PSMD5: variants seen among roughly 807,000 people sequenced by gnomAD.
PSMD5 encodes the protein 26S proteasome non-ATPase regulatory subunit 5.
PSMD5 carries 40 observed loss-of-function variants against 52.1 expected under a neutral mutation model. The observed-to-expected ratio is 0.77, with a 90% CI of 0.60 to 1.00. The LOEUF is 1.00. Ranked by LOEUF, PSMD5 falls within the 50% of genes least tolerant of loss-of-function variation. The pLI, the probability that PSMD5 is intolerant of heterozygous loss-of-function variation, is 0.00. For missense variants in PSMD5, 575 were observed against 605.2 expected (o/e 0.95, Z 0.52); for synonymous variants, 211 against 226.6 (o/e 0.93, Z 0.62).
chr9:120,842,554 T>G, intron 1 of PSMD5, 183 bp downstream of exon 1: 1 of 725,374 alleles, frequency 1.4e-6, no homozygotes, highest in South Asian at 1.9e-5. Flanking sequence ...TGGGGCACTC[T>G]CAGAGGCTGA....
At chr9:120,838,962 GTAA>G (rs2045216059) in intron 1 of PSMD5, among the ~76,000 whole-genome samples, 1 of 152,224 alleles carries the variant, frequency 6.6e-6, no homozygotes, top group African/African-American at 2.4e-5. Context: ...TATAACATAG[GTAA>G]TAGTGTCAAT....
intron 1 of PSMD5, among the ~76,000 whole-genome samples, chr9:120,839,064 G>A (rs956537812): frequency 4.6e-5 from 7 of 152,214 alleles, no homozygotes; most frequent in Non-Finnish European, 1.0e-4. Flanking sequence ...ATATTTTGGA[G>A]GAGATGGCTC....
At chr9:120,821,817 C>T (rs1341911714) in intron 7 of PSMD5, among the ~76,000 whole-genome samples, 2 of 152,232 alleles carry the variant, frequency 1.3e-5, no homozygotes, top group East Asian at 3.8e-4. Flanking sequence ...GCGCAGGCTT[C>T]CTCCATGCTG....
intron 1 of PSMD5, among the ~76,000 whole-genome samples, chr9:120,841,406 C>T (rs1315609939): frequency 2.0e-5 from 3 of 151,928 alleles, no homozygotes; most frequent in African/African-American, 7.3e-5. Context: ...GGTGAAACCC[C>T]GTCTCTACTA....
In PSMD5 at chr9:120,818,041, C is replaced by CA. The variant is rs1255066091; in HGVS notation, c.1379dup (p.Lys461GlufsTer27). ...TTGTCTTGGAATTGGCAAGTGCTTT[C>CA]ACTAGTTCATATTTGGCATCCTTTG... On this transcript the variant is annotated frameshift_variant, in exon 10 of 10. Transcript: ENST00000210313. LOFTEE classifies it high-confidence loss of function. The CA allele has an allele frequency of 1.9e-6, 3 of 1,614,214 alleles. No homozygotes were observed. The highest frequency in any genetic ancestry group is 2.5e-6 in the Non-Finnish European group (3 of 1,180,030).
intron 7 of PSMD5, chr9:120,824,142 ACC>A (rs2045105637): frequency 1.1e-5 from 2 of 186,768 alleles, no homozygotes; most frequent in Non-Finnish European, 1.1e-5. Flanking sequence ...AGAATAGAAA[ACC>A]CAAGGACATG....
At chr9:120,822,420 C>T (rs1236236272) in intron 7 of PSMD5, among the ~76,000 whole-genome samples, 2 of 152,152 alleles carry the variant, frequency 1.3e-5, no homozygotes, top group Non-Finnish European at 2.9e-5. Context: ...ATGAAAATGA[C>T]AATGTATGTT....
At position 120,831,793 on chromosome 9, in the gene PSMD5, GTC is replaced by G. The variant is rs747050815; in HGVS notation, c.432+37_432+38del. 1.4e-5 allele frequency: 22 copies of G among 1,583,652 alleles called. No homozygotes were observed. The African/African-American group carries it at 2.3e-4, about 17-fold the overall frequency. On this transcript the variant is annotated intron_variant, in intron 3 of 9. Transcript: ENST00000210313. Reference sequence around the variant, plus strand: ...TTTCTTTATCTTTTGGGACACCGATGTCTCTGCACATTTAAGTCAATGATTCT... The same window carrying G: ...TTTCTTTATCTTTTGGGACACCGATGTCTGCACATTTAAGTCAATGATTCT...
At chr9:120,830,152 T>A (rs1189027585) in intron 4 of PSMD5, among the ~76,000 whole-genome samples, 1 of 152,152 alleles carries the variant, frequency 6.6e-6, no homozygotes, top group African/African-American at 2.4e-5. Context: ...CGAATGGATA[T>A]GTGGCAAGGA....
chr9:120,825,415 T>C (rs2045115532), intron 6 of PSMD5, among the ~76,000 whole-genome samples: 1 of 152,184 alleles, frequency 6.6e-6, no homozygotes, highest in African/African-American at 2.4e-5. Flanking sequence ...TTCTGAAATA[T>C]GTATATTTAA....
At chr9:120,828,443 C>CT (rs34354549) in intron 5 of PSMD5, among the ~76,000 whole-genome samples, 122,379 of 132,566 alleles carry the variant, frequency 0.92, 56,683 homozygotes, top group South Asian at 0.98. Context: ...AGCTCATATT[C>CT]TTTTTTTTTT....
chr9:120,833,206 G>T, intron 2 of PSMD5, 106 bp downstream of exon 2: 1 of 1,299,026 alleles, frequency 7.7e-7, no homozygotes, highest in South Asian at 1.4e-5. Flanking sequence ...GGAGAAGGAA[G>T]AGGGAAGGAG....
chr9:120,818,721 CAT>C, intron 9 of PSMD5, among the ~76,000 whole-genome samples: 1 of 144,278 alleles, frequency 6.9e-6, no homozygotes, highest in East Asian at 2.0e-4. Context: ...CCTCTTTTAA[CAT>C]AGACAAATTT....
chr9:120,838,594 G>C (rs976134129), intron 1 of PSMD5, among the ~76,000 whole-genome samples: 4 of 152,196 alleles, frequency 2.6e-5, no homozygotes, highest in African/African-American at 9.7e-5. Context: ...GGTGCAGTTG[G>C]TATCTACTAT....
intron 9 of PSMD5, among the ~76,000 whole-genome samples, chr9:120,819,815 G>A (rs985971490): frequency 6.6e-6 from 1 of 151,902 alleles, no homozygotes; most frequent in African/African-American, 2.4e-5. Context: ...CAGCCTGGGC[G>A]ACAGAGCGAG....
intron 1 of PSMD5, 186 bp downstream of exon 1, chr9:120,842,551 C>G: frequency 1.4e-6 from 1 of 699,824 alleles, no homozygotes; most frequent in Non-Finnish European, 2.3e-6. Context: ...CCCTGGGGCA[C>G]TCTCAGAGGC....
chr9:120,820,743 G>T, intron 9 of PSMD5, 96 bp downstream of exon 9: 1 of 1,258,178 alleles, frequency 7.9e-7, no homozygotes, highest in Non-Finnish European at 1.1e-6. Context: ...ATGCACTTGT[G>T]CATCCCCAGA....
At chr9:120,839,923 C>T (rs190736770) in intron 1 of PSMD5, among the ~76,000 whole-genome samples, 158 of 150,192 alleles carry the variant, frequency 1.1e-3, no homozygotes, top group Admixed American at 1.9e-3. Context: ...GAGTTCGACA[C>T]CAGCCTGGCC....
intron 7 of PSMD5, among the ~76,000 whole-genome samples, chr9:120,821,968 C>T (rs187722852): frequency 1.6e-3 from 250 of 152,276 alleles, no homozygotes; most frequent in African/African-American, 5.8e-3. Context: ...AATAACGCTG[C>T]TATGAACATG....
Sources: allele counts gnomAD v4.1 joint callset (sites outside exome capture counted in the v4.1 genomes callset), GRCh38; gene constraint gnomAD v4.1.1; transcripts MANE v1.5; gene names NCBI Gene and HGNC (gene_info 2026-07-23, HGNC 2026-07-21).